ARNT: variants seen among roughly 807,000 people sequenced by gnomAD.
ARNT encodes the protein aryl hydrocarbon receptor nuclear translocator, also known as class E basic helix-loop-helix protein 2.
Under a neutral mutation model 105.0 loss-of-function variants are expected in ARNT, and 30 were observed. That is an observed-to-expected ratio of 0.29 (90% CI 0.21 to 0.39). ARNT has a LOEUF of 0.39. Among genes scored for constraint, ARNT ranks in the 10% least tolerant of loss-of-function variants. ARNT has a pLI of 1.00. For missense variants in ARNT, 748 were observed against 978.7 expected (o/e 0.76, Z 3.15); for synonymous variants, 304 against 344.0 (o/e 0.88, Z 1.29).
At chr1:150,841,010 G>A (rs587617446) in intron 5 of ARNT, among the ~76,000 whole-genome samples, 20 of 145,246 alleles carry the variant, frequency 1.4e-4, no homozygotes, top group Admixed American at 9.1e-4. Flanking sequence ...GTACAGTGGC[G>A]GGATCTCGGC....
chr1:150,843,048 A>G (rs1311680951), intron 4 of ARNT, among the ~76,000 whole-genome samples: 2 of 152,236 alleles, frequency 1.3e-5, no homozygotes, highest in African/African-American at 4.8e-5. Flanking sequence ...TGACAAAATA[A>G]CCAACCAGAT....
intron 14 of ARNT, among the ~76,000 whole-genome samples, chr1:150,821,015 G>A (rs772779252): frequency 3.3e-5 from 5 of 152,146 alleles, no homozygotes; most frequent in East Asian, 1.9e-4. Flanking sequence ...AGTTGAACAC[G>A]TTTTGTATGT....
intron 3 of ARNT, among the ~76,000 whole-genome samples, chr1:150,847,615 T>G (rs1190077050): frequency 6.6e-6 from 1 of 152,168 alleles, no homozygotes; most frequent in African/African-American, 2.4e-5. Flanking sequence ...GACTCAGGGT[T>G]AGAGCTAATT....
intron 7 of ARNT, among the ~76,000 whole-genome samples, chr1:150,835,367 C>G (rs1660134471): frequency 6.6e-6 from 1 of 151,796 alleles, no homozygotes; most frequent in Non-Finnish European, 1.5e-5. Flanking sequence ...TTTGAGAAGC[C>G]AAGATGGGAG....
intron 1 of ARNT, among the ~76,000 whole-genome samples, chr1:150,864,861 A>C (rs1413784116): frequency 6.7e-6 from 1 of 148,310 alleles, no homozygotes; most frequent in Non-Finnish European, 1.5e-5. Context: ...CCCTGAAGAA[A>C]ACAAAATGGT....
intron 1 of ARNT, among the ~76,000 whole-genome samples, chr1:150,860,788 C>T (rs587772966): frequency 6.6e-6 from 1 of 151,724 alleles, no homozygotes; most frequent in South Asian, 2.1e-4. Context: ...ACCCAGGAGG[C>T]GGAGACTGCA....
intron 14 of ARNT, among the ~76,000 whole-genome samples, chr1:150,819,041 A>G (rs1656526089): frequency 1.3e-5 from 2 of 152,170 alleles, no homozygotes; most frequent in South Asian, 4.1e-4. Flanking sequence ...GTTAGTTAGC[A>G]AAGAATTAAA....
chr1:150,833,343 A>T (rs1206402873), intron 8 of ARNT, among the ~76,000 whole-genome samples: 1 of 152,070 alleles, frequency 6.6e-6, no homozygotes. Context: ...GTTTTACTAA[A>T]AATACAAAAA....
intron 4 of ARNT, among the ~76,000 whole-genome samples, chr1:150,845,353 C>A (rs951962294): frequency 6.6e-6 from 1 of 152,078 alleles, no homozygotes; most frequent in South Asian, 2.1e-4. Context: ...GTAATCCCAG[C>A]ACTTTGGGAG....
At chr1:150,820,714 T>C (rs1205344091) in intron 14 of ARNT, among the ~76,000 whole-genome samples, 1 of 151,982 alleles carries the variant, frequency 6.6e-6, no homozygotes, top group African/African-American at 2.4e-5. Flanking sequence ...TGATCAACTA[T>C]CCCAAATCCT....
rs767917511 is a variant in ARNT, at chr1:150,817,430, C to T, written c.1509G>A (p.Gln503=). Residue 503 remains glutamine (Q), a synonymous_variant, in exon 16 of 22, where the codon CAG becomes CAA. Coordinates refer to ENST00000358595, the MANE Select transcript of ARNT (RefSeq NM_001668.4). ...TGTCCAATTCTGTTTGCTGTTGCTG[C>T]TGCCTATATGTCAAAGGCCAGTTGA... is the stretch of plus-strand genomic sequence containing the variant. ...EMGSGQLAPR[Q]QQQQTELDMV... 240 of 1,613,900 alleles carry T rather than the reference C, an allele frequency of 1.5e-4. 1 individual carries two copies. Among genetic ancestry groups the T allele is most frequent in the Admixed American group, 2.8e-4 (17 of 59,998 alleles).
intron 1 of ARNT, among the ~76,000 whole-genome samples, chr1:150,871,258 C>T (rs1034877492): frequency 6.8e-6 from 1 of 146,278 alleles, no homozygotes; most frequent in Non-Finnish European, 1.5e-5. Context: ...CTGATGTCTA[C>T]TTACTAAAGT....
intron 10 of ARNT, among the ~76,000 whole-genome samples, chr1:150,831,101 C>T (rs587600542): frequency 6.6e-6 from 1 of 152,196 alleles, no homozygotes; most frequent in East Asian, 1.9e-4. Context: ...AGCAACTTAC[C>T]CTAGGTGATG....
Position 150,876,587 on chromosome 1 carries a change from G to C in ARNT, c.-20C>G. The C allele has an allele frequency of 1.4e-6, 2 of 1,459,862 alleles. No individual in the cohort carries two copies. Among genetic ancestry groups the C allele is most frequent in the Non-Finnish European group, 1.8e-6 (2 of 1,103,800 alleles). 90.4% of individuals were successfully genotyped at this position (1,459,862 alleles called of 1,614,324 possible). A position where few individuals can be genotyped will look rare whatever the true frequency, so the allele number is the denominator to read the frequency against. ...CGCCATGGCCGCAGATGCCACCGCC[G>C]CCGCGCCACCCCCCCCCCCAGTGGG... On this transcript the variant is annotated 5_prime_UTR_variant, in exon 1 of 22. Transcript: ENST00000358595.
rs756789458 is a variant in ARNT, at chr1:150,813,237, T to A, written c.2215A>T (p.Ser739Cys). The A allele has an allele frequency of 6.2e-7, 1 of 1,613,822 alleles. No homozygotes were observed. Among genetic ancestry groups the A allele is most frequent in the Non-Finnish European group, 8.5e-7 (1 of 1,179,950 alleles). ...WQGQQPHHRS[S>C]SSEQHVQQPP... ...TGTTGAACATGTTGCTCACTAGAACTTGAACGATGATGAGGCTGCTGGCCC... is the reference window on the plus strand; with the variant it reads ...TGTTGAACATGTTGCTCACTAGAACATGAACGATGATGAGGCTGCTGGCCC... Residue 739 changes from serine to cysteine, a missense_variant, in exon 21 of 22, where the codon AGT becomes TGT. This residue lies in a region of ARNT where 360 missense variants were observed against 411.9 expected (regional missense o/e 0.87). Coordinates refer to ENST00000358595, the MANE Select transcript of ARNT (RefSeq NM_001668.4).
Position 150,831,898 on chromosome 1 carries a change from C to G in ARNT, c.875G>C (p.Gly292Ala), listed in dbSNP as rs1337983076. ...TTCCCCATCCTTTACAGAGCCAAGT[C>G]CATTCCTAGAAGAGTTACAGGAGTT... is the stretch of plus-strand genomic sequence containing the variant. ...LSFVRNRCRN[G>A]LGSVKDGEPH... The change falls in exon 10 of 22, where the codon GGA becomes GCA. Residue 292 changes from glycine (G) to alanine (A), a missense_variant. Gly to Ala is a moderately conservative substitution (Grantham distance 60). Coordinates refer to ENST00000358595, the MANE Select transcript of ARNT (RefSeq NM_001668.4). 1.3e-6 allele frequency: 2 copies of G among 1,574,412 alleles called. No homozygotes were observed. The highest frequency in any genetic ancestry group is 2.8e-5 in the African/African-American group (2 of 71,924).
intron 14 of ARNT, chr1:150,818,258 A>C: frequency 4.6e-6 from 2 of 432,384 alleles, no homozygotes; most frequent in East Asian, 3.5e-5. Context: ...TTGGGTTCTA[A>C]CTCCTTCTAG....
rs766011274 is a variant in ARNT, at chr1:150,814,209, G to A, written c.1981C>T (p.Arg661Cys). 2.5e-6 allele frequency: 4 copies of A among 1,614,160 alleles called. No individual in the cohort carries two copies. Among genetic ancestry groups the A allele is most frequent in the East Asian group, 2.2e-5 (1 of 44,872 alleles). Residue 661 changes from arginine (R) to cysteine (C), a missense_variant, in exon 20 of 22, where the codon CGT (arginine) becomes TGT (cysteine). Transcript: ENST00000358595. ...QVATQATAKT[R>C]TSQFGVGSFQ... ...CTGCCCACACCAAACTGGGAAGTAC[G>A]AGTCTTAGCAGTAGCCTGGGTAGCC...
chr1:150,845,998 C>T (rs1321142625), intron 4 of ARNT, among the ~76,000 whole-genome samples: 1 of 152,170 alleles, frequency 6.6e-6, no homozygotes, highest in Admixed American at 6.5e-5. Context: ...AATTTGTGCT[C>T]CTATGGAAAC....
Sources: allele counts gnomAD v4.1 joint callset (sites outside exome capture counted in the v4.1 genomes callset), GRCh38; gene constraint gnomAD v4.1.1; regional missense constraint gnomAD v4.1.1; transcripts MANE v1.5; gene names NCBI Gene and HGNC (gene_info 2026-07-23, HGNC 2026-07-21).